TSKU: variants seen among roughly 807,000 people sequenced by gnomAD.
TSKU encodes the protein tsukushi, small leucine rich proteoglycan, also known as tsukushi.
A neutral mutation model predicts 11.2 loss-of-function variants in TSKU; 4 were observed. The ratio of observed to expected loss-of-function variants is 0.36; its 90% CI spans 0.18 to 0.82. TSKU has a LOEUF of 0.82. Among genes scored for constraint, TSKU ranks in the 40% least tolerant of loss-of-function variants. The pLI is 0.50. For synonymous variants in TSKU, 220 were observed against 232.2 expected (o/e 0.95, Z 0.48); for missense variants, 407 against 482.5 (o/e 0.84, Z 1.47).
chr11:76,792,553 C>T (rs1288729030), intron 1 of TSKU: 1 of 152,216 alleles, frequency 6.6e-6, no homozygotes, highest in Admixed American at 6.5e-5. Flanking sequence ...CCAGTATTCC[C>T]ATGTGTTGTG....
At chr11:76,790,810 C>G (rs181369164) in intron 1 of TSKU, among the ~76,000 whole-genome samples, 1 of 152,080 alleles carries the variant, frequency 6.6e-6, no homozygotes, top group Non-Finnish European at 1.5e-5. Context: ...AAATTGGTAC[C>G]AGTAGAGTGG....
Position 76,795,959 on chromosome 11 carries a change from C to T in TSKU, c.343C>T (p.Leu115Phe). Residue 115 changes from leucine (L) to phenylalanine (F), a missense_variant, in exon 2 of 2, where the codon CTC becomes TTC. Leu to Phe is a conservative substitution (Grantham distance 22). Coordinates refer to ENST00000333090, the MANE Select transcript of TSKU (RefSeq NM_015516.4). ...SRLRYLESLD[L>F]SHNGLTALPA... ...CCTTCGCTACCTGGAGTCGCTTGAC[C>T]TCAGCCACAATGGCCTGACAGCCCT... The T allele has an allele frequency of 1.9e-6, 3 of 1,614,004 alleles. No homozygotes were observed. The highest frequency in any genetic ancestry group is 2.5e-6 in the Non-Finnish European group (3 of 1,180,044).
At chr11:76,793,660 G>A (rs900831573) in intron 1 of TSKU, among the ~76,000 whole-genome samples, 6 of 152,078 alleles carry the variant, frequency 3.9e-5, no homozygotes, top group African/African-American at 7.2e-5. Context: ...GCTCGCCCAG[G>A]GGAACAAAAG....
chr11:76,789,390 A>C, intron 1 of TSKU, among the ~76,000 whole-genome samples: 1 of 152,190 alleles, frequency 6.6e-6, no homozygotes, highest in African/African-American at 2.4e-5. Flanking sequence ...TCTGATAAGG[A>C]GAGTGATGTG....
intron 1 of TSKU, among the ~76,000 whole-genome samples, chr11:76,790,569 C>CATGTG (rs1363001642): frequency 6.6e-6 from 1 of 152,176 alleles, no homozygotes; most frequent in Non-Finnish European, 1.5e-5. Context: ...CCAGAATTCC[C>CATGTG]ATGTGTTGTG....
chr11:76,782,716 G>A (rs1230910048), upstream of TSKU: 2 of 152,008 alleles, frequency 1.3e-5, no homozygotes, highest in African/African-American at 4.8e-5. Flanking sequence ...AACTCAATCT[G>A]TTGACTTTCT....
Position 76,795,678 on chromosome 11 carries a change from T to TC in TSKU, c.66dup (p.Gly23ArgfsTer23). ...GGGGCCCAGACAACCCGGCCATGCT[T>TC]CCCCGGGTGCCAATGCGAGGTGGAG... is the stretch of plus-strand genomic sequence containing the variant. On this transcript the variant is annotated frameshift_variant, in exon 2 of 2. Coordinates refer to ENST00000333090, the MANE Select transcript of TSKU (RefSeq NM_015516.4). LOFTEE classifies it high-confidence loss of function. The TC allele has an allele frequency of 2.5e-6, 4 of 1,614,028 alleles. No individual in the cohort carries two copies. Among genetic ancestry groups the TC allele is most frequent in the Non-Finnish European group, 3.4e-6 (4 of 1,180,028 alleles).
chr11:76,783,558 G>A (rs1452234994), intron 1 of TSKU, among the ~76,000 whole-genome samples, 154 bp downstream of exon 1: 2 of 152,142 alleles, frequency 1.3e-5, no homozygotes, highest in Non-Finnish European at 2.9e-5. Context: ...AACTTTCGTC[G>A]GACGCCTAGG....
At chr11:76,786,766 C>G (rs1944316851) in intron 1 of TSKU, among the ~76,000 whole-genome samples, 4 of 152,206 alleles carry the variant, frequency 2.6e-5, no homozygotes, top group Admixed American at 2.6e-4. Context: ...GGCAACACAG[C>G]AGCTTTTGCC....
chr11:76,796,236 T>C lies in TSKU; in HGVS notation c.620T>C (p.Leu207Pro). ...HAVPNLRDLP[L>P]RYLSLDGNPL... ...GTGCCCAACCTCCGAGACTTGCCCC[T>C]GCGCTACCTGAGCCTGGATGGGAAC... The change falls in exon 2 of 2, where the codon CTG becomes CCG. Residue 207 changes from leucine (L) to proline (P), a missense_variant. Transcript: ENST00000333090. This position sits in a 1 kb window ranked among gnomAD's most constrained non-coding sequence, Gnocchi z 4.1. The C allele has an allele frequency of 6.2e-7, 1 of 1,612,128 alleles. No homozygotes were observed. The highest frequency in any genetic ancestry group is 8.5e-7 in the Non-Finnish European group (1 of 1,179,664).
At chr11:76,793,464 G>T (rs556738531) in intron 1 of TSKU, among the ~76,000 whole-genome samples, 1 of 152,232 alleles carries the variant, frequency 6.6e-6, no homozygotes, top group South Asian at 2.1e-4. Flanking sequence ...GGTTACATAA[G>T]TGGGAGCTCA....
At chr11:76,784,628 G>A (rs1437569956) in intron 1 of TSKU, among the ~76,000 whole-genome samples, 1 of 152,114 alleles carries the variant, frequency 6.6e-6, no homozygotes, top group South Asian at 2.1e-4. Context: ...GGAGAGCAGC[G>A]CCAGCCCACA....
At chr11:76,785,792 G>T (rs918946029) in intron 1 of TSKU, among the ~76,000 whole-genome samples, 5 of 152,162 alleles carry the variant, frequency 3.3e-5, no homozygotes, top group Admixed American at 3.3e-4. Context: ...TGTGGGTGGT[G>T]CTGGAGGCCG....
At chr11:76,793,672 G>A (rs1423117548) in intron 1 of TSKU, among the ~76,000 whole-genome samples, 1 of 152,124 alleles carries the variant, frequency 6.6e-6, no homozygotes, top group Non-Finnish European at 1.5e-5. Context: ...GAACAAAAGG[G>A]GCCTGAAGCA....
At position 76,796,694 on chromosome 11, in the gene TSKU, A is replaced by G. The variant is rs1944457760; in HGVS notation, c.*16A>G. On this transcript the variant is annotated 3_prime_UTR_variant, in exon 2 of 2. Transcript: ENST00000333090. The surrounding 1 kb of genome is among the most constrained non-coding windows in gnomAD (Gnocchi z 4.1). ...CATCTTGTGACAAATGGTGTGGCCC[A>G]GGGCCACATAACAGACTGCTGTCCT... 1 of 1,440,032 alleles carries G rather than the reference A, an allele frequency of 6.9e-7. No homozygotes were observed. Among genetic ancestry groups the G allele is most frequent in the Non-Finnish European group, 9.2e-7 (1 of 1,090,476 alleles). 89.2% of individuals were successfully genotyped at this position (1,440,032 alleles called of 1,614,324 possible). A position where few individuals can be genotyped will look rare whatever the true frequency, so the allele number is the denominator to read the frequency against.
chr11:76,783,794 G>T (rs1259682274), intron 1 of TSKU, among the ~76,000 whole-genome samples: 1 of 152,202 alleles, frequency 6.6e-6, no homozygotes, highest in Non-Finnish European at 1.5e-5. Context: ...GCTTGGCTGT[G>T]GGCGTCGGTG....
intron 1 of TSKU, among the ~76,000 whole-genome samples, chr11:76,788,222 G>T (rs1196720429): frequency 6.6e-6 from 1 of 152,214 alleles, no homozygotes; most frequent in East Asian, 1.9e-4. Flanking sequence ...CGAGACAAAG[G>T]CCGGTCTCGG....
chr11:76,783,665 C>T (rs1353973594), intron 1 of TSKU, among the ~76,000 whole-genome samples: 1 of 152,200 alleles, frequency 6.6e-6, no homozygotes, highest in Non-Finnish European at 1.5e-5. Flanking sequence ...CGGACACGTG[C>T]ATCTCACGTT....
At chr11:76,793,701 G>T (rs974089281) in intron 1 of TSKU, among the ~76,000 whole-genome samples, 5 of 152,080 alleles carry the variant, frequency 3.3e-5, no homozygotes, top group Non-Finnish European at 5.9e-5. Context: ...TTTTCCTTTT[G>T]GTTCCAGACA....
Sources: allele counts gnomAD v4.1 joint callset (sites outside exome capture counted in the v4.1 genomes callset), GRCh38; gene constraint gnomAD v4.1.1; non-coding constraint Gnocchi (gnomAD v3.1); transcripts MANE v1.5; gene names NCBI Gene and HGNC (gene_info 2026-07-23, HGNC 2026-07-21).